CTNNA2: variants seen among roughly 807,000 people sequenced by gnomAD.
CTNNA2 encodes catenin alpha-2.
Under a neutral mutation model 101.0 loss-of-function variants are expected in CTNNA2, and 42 were observed. The observed-to-expected ratio is 0.42, with a 90% CI of 0.32 to 0.54. The LOEUF (loss-of-function observed/expected upper bound fraction) is 0.54. Ranked by LOEUF, CTNNA2 falls within the 20% of genes least tolerant of loss-of-function variation. The probability of loss-of-function intolerance (pLI) is 0.14; values close to 1 mark genes in which losing one functional copy is unlikely to be tolerated. For synonymous variants in CTNNA2, 450 were observed against 456.4 expected, an observed-to-expected ratio of 0.99 and a Z score of 0.18; for missense variants, 871 against 1,223.1, an observed-to-expected ratio of 0.71 and a Z score of 4.29.
chr2:79,804,364 A>G (rs141677299), intron 3 of CTNNA2, among the ~76,000 whole-genome samples: 1 of 152,342 alleles, frequency 6.6e-6, no homozygotes, highest in East Asian at 1.9e-4. Flanking sequence ...TTTAACCAAA[A>G]TCACACAGTC....
At chr2:79,983,919 A>C (rs1265165172) in intron 7 of CTNNA2, among the ~76,000 whole-genome samples, 1 of 152,106 alleles carries the variant, frequency 6.6e-6, no homozygotes, top group Admixed American at 6.6e-5. Context: ...TCCAAATTGC[A>C]CTGAAAACTT....
At chr2:79,747,289 A>G (rs1671710617) in intron 3 of CTNNA2, among the ~76,000 whole-genome samples, 1 of 152,184 alleles carries the variant, frequency 6.6e-6, no homozygotes, top group Admixed American at 6.5e-5. Context: ...TGAATTGCAG[A>G]TGGACGCTTG....
chr2:79,369,633 C>T (rs1449646532), intron 3 of CTNNA2, among the ~76,000 whole-genome samples: 3 of 152,174 alleles, frequency 2.0e-5, no homozygotes, highest in Non-Finnish European at 4.4e-5. Flanking sequence ...GCTCACCCAA[C>T]ATAAATATCG....
intron 2 of CTNNA2, among the ~76,000 whole-genome samples, chr2:79,662,237 T>C (rs1276732753): frequency 2.0e-5 from 3 of 152,114 alleles, no homozygotes; most frequent in Non-Finnish European, 4.4e-5. Context: ...TTTTTCCTAT[T>C]AAATGGTTAA....
chr2:79,450,496 A>G (rs1678880625), intron 4 of CTNNA2, among the ~76,000 whole-genome samples: 1 of 152,040 alleles, frequency 6.6e-6, no homozygotes, highest in Admixed American at 6.6e-5. Flanking sequence ...TGAGTTTTAG[A>G]GATTATATAG....
chr2:80,545,867 T>G, intron 10 of CTNNA2, 40 bp from the exon 11 acceptor site: 1 of 1,601,300 alleles, frequency 6.2e-7, no homozygotes, highest in Non-Finnish European at 8.5e-7. Context: ...TCTTTTGAAG[T>G]GTGTGGTCAT....
chr2:80,471,575 T>C (rs564069666), intron 9 of CTNNA2, among the ~76,000 whole-genome samples: 5 of 152,196 alleles, frequency 3.3e-5, no homozygotes, highest in Non-Finnish European at 7.3e-5. Flanking sequence ...GAGGCAATTA[T>C]CACTGGAGAG....
At chr2:80,000,038 G>A (rs1362452069) in intron 7 of CTNNA2, among the ~76,000 whole-genome samples, 2 of 152,046 alleles carry the variant, frequency 1.3e-5, no homozygotes, top group African/African-American at 2.4e-5. Flanking sequence ...AGGGCAGTGG[G>A]AATTATGAGA....
At chr2:79,438,817 A>G (rs1678746846) in intron 4 of CTNNA2, among the ~76,000 whole-genome samples, 1 of 152,242 alleles carries the variant, frequency 6.6e-6, no homozygotes, top group Non-Finnish European at 1.5e-5. Flanking sequence ...ACCTGAAAAG[A>G]TGCTCAGTAT....
chr2:80,542,153 A>T (rs1004924478), intron 9 of CTNNA2, among the ~76,000 whole-genome samples: 1 of 152,002 alleles, frequency 6.6e-6, no homozygotes, highest in Non-Finnish European at 1.5e-5. Context: ...TTAAAATAAT[A>T]ATAACTCCTC....
At chr2:80,364,727 C>T (rs963915892) in intron 7 of CTNNA2, among the ~76,000 whole-genome samples, 2 of 152,030 alleles carry the variant, frequency 1.3e-5, no homozygotes, top group Non-Finnish European at 2.9e-5. Context: ...GAGAAGCTCA[C>T]TGTTTAAAAT....
intron 3 of CTNNA2, among the ~76,000 whole-genome samples, chr2:79,350,110 T>C (rs563331543): frequency 2.4e-3 from 364 of 150,884 alleles, no homozygotes; most frequent in Non-Finnish European, 4.3e-3. Context: ...TGAGGTCAAG[T>C]TAATATACCA....
chr2:80,265,341 C>T (rs532873489), intron 7 of CTNNA2, among the ~76,000 whole-genome samples: 18 of 152,102 alleles, frequency 1.2e-4, no homozygotes, highest in South Asian at 4.2e-4. Context: ...AGCAACAATA[C>T]GGAGGGTAGG....
chr2:80,082,469 C>T (rs749067263), intron 7 of CTNNA2, among the ~76,000 whole-genome samples: 24 of 151,910 alleles, frequency 1.6e-4, no homozygotes, highest in Non-Finnish European at 2.4e-4. Context: ...AAAGTTTTGC[C>T]AAAAAGATTT....
intron 7 of CTNNA2, among the ~76,000 whole-genome samples, chr2:80,143,096 C>G (rs2148913538): frequency 6.6e-6 from 1 of 152,296 alleles, no homozygotes; most frequent in Non-Finnish European, 1.5e-5. Context: ...CTGACAATGC[C>G]TTATTCTCCA....
chr2:79,307,723 TGGATACATGCCCA>T (rs1258122207), intron 2 of CTNNA2, among the ~76,000 whole-genome samples: 1 of 152,218 alleles, frequency 6.6e-6, no homozygotes, highest in Non-Finnish European at 1.5e-5. Flanking sequence ...TTCTTTCCTC[TGGATACATGCCCA>T]GTAGTGGGAT....
chr2:79,486,163 T>G (rs1671155110), intron 4 of CTNNA2, among the ~76,000 whole-genome samples: 1 of 152,108 alleles, frequency 6.6e-6, no homozygotes, highest in African/African-American at 2.4e-5. Flanking sequence ...CATGTTGGTG[T>G]GCTGCACCCA....
chr2:79,930,292 AAGAGAAAG>A (rs1687321660), intron 7 of CTNNA2, among the ~76,000 whole-genome samples: 1 of 68,536 alleles, frequency 1.5e-5, no homozygotes, highest in Non-Finnish European at 3.1e-5. Context: ...GAGAGAGAGA[AAGAGAAAG>A]AAAGAAAGAA....
chr2:80,486,944 T>C lies in CTNNA2; in HGVS notation c.1291-58038T>C, dbSNP rs113940435. ...GTTTTATGTAACAAGGCATTTTGGA[T>C]ATCTTTTCATATCTGCACATGTAGC... On this transcript the variant is annotated intron_variant, in intron 9 of 18. Coordinates refer to ENST00000402739, the MANE Select transcript of CTNNA2 (RefSeq NM_001282597.3). Among the ~76,000 whole-genome samples the C allele has an allele frequency of 5.2e-3, 789 of 152,288 alleles. 3 individuals carry two copies. The highest frequency in any genetic ancestry group is 8.0e-3 in the Non-Finnish European group (541 of 68,024).
Sources: allele counts gnomAD v4.1 joint callset (sites outside exome capture counted in the v4.1 genomes callset), GRCh38; gene constraint gnomAD v4.1.1; transcripts MANE v1.5; gene names NCBI Gene and HGNC (gene_info 2026-07-23, HGNC 2026-07-21).